PCSK9: variants seen among roughly 807,000 people sequenced by gnomAD.
PCSK9 encodes convertase subtilisin/kexin type 9 preproprotein.
Under a neutral mutation model 62.1 loss-of-function variants are expected in PCSK9, and 57 were observed. The ratio of observed to expected loss-of-function variants is 0.92; its 90% confidence interval spans 0.74 to 1.14. The LOEUF (loss-of-function observed/expected upper bound fraction) is 1.14. PCSK9 is among the 50% of genes most tolerant of loss of function. The pLI, the probability that PCSK9 is intolerant of heterozygous loss-of-function variation, is 0.00. For synonymous variants in PCSK9, 387 were observed against 409.4 expected, an observed-to-expected ratio of 0.95 and a Z score of 0.66; for missense variants, 870 against 959.8, an observed-to-expected ratio of 0.91 and a Z score of 1.24.
chr1:55,060,163 T>C (rs1453782367), intron 10 of PCSK9, among the ~76,000 whole-genome samples: 1 of 152,268 alleles, frequency 6.6e-6, no homozygotes, highest in Admixed American at 6.5e-5. Flanking sequence ...ATCGTTACTA[T>C]TGTTTTCATC....
At chr1:55,041,982 T>C (rs1644600707) in intron 1 of PCSK9, among the ~76,000 whole-genome samples, 1 of 152,172 alleles carries the variant, frequency 6.6e-6, no homozygotes, top group African/African-American at 2.4e-5. Context: ...GTTTCGCTCT[T>C]GTTGCCCAGG....
At chr1:55,041,568 G>C (rs1227732780) in intron 1 of PCSK9, among the ~76,000 whole-genome samples, 1 of 152,164 alleles carries the variant, frequency 6.6e-6, no homozygotes, top group African/African-American at 2.4e-5. Context: ...GCCTCCTCAA[G>C]TTCATTTATT....
At chr1:55,057,593 A>G in intron 7 of PCSK9, 79 bp downstream of exon 7, 2 of 1,491,318 alleles carry the variant, frequency 1.3e-6, no homozygotes, top group African/African-American at 2.8e-5. Flanking sequence ...CGGGACCTCC[A>G]GTGCCAGGCT....
At chr1:55,057,604 C>G in intron 7 of PCSK9, 90 bp downstream of exon 7, 2 of 1,444,408 alleles carry the variant, frequency 1.4e-6, no homozygotes, top group Non-Finnish European at 1.9e-6. Flanking sequence ...GTGCCAGGCT[C>G]TGTGCAGGGG....
intron 1 of PCSK9, among the ~76,000 whole-genome samples, chr1:55,041,405 T>C (rs960707966): frequency 2.6e-5 from 4 of 152,120 alleles, no homozygotes. Flanking sequence ...GTGGCCAGGA[T>C]AAGAAAGGGC....
At chr1:55,056,918 C>G (rs889294098) in intron 6 of PCSK9, among the ~76,000 whole-genome samples, 3 of 86,588 alleles carry the variant, frequency 3.5e-5, no homozygotes, top group African/African-American at 1.1e-4. Context: ...GCGTACCTGA[C>G]AGCGGTAACC....
At chr1:55,057,903 C>T (rs139754947) in intron 7 of PCSK9, 133 bp from the exon 8 acceptor site, 18 of 1,316,718 alleles carry the variant, frequency 1.4e-5, no homozygotes, top group African/African-American at 5.8e-5. Flanking sequence ...GGCTTACCTT[C>T]GAGAAGAGAG....
Position 55,039,997 on chromosome 1 carries a change from G to A in PCSK9, c.160G>A (p.Glu54Lys), listed in dbSNP as rs770080583. ...ALRSEEDGLAEAPEHGTTATF... is the reference protein window; with the variant it reads ...ALRSEEDGLAKAPEHGTTATF... Reference sequence around the variant, plus strand: ...GCGTTCCGAGGAGGACGGCCTGGCCGAAGCACCCGAGCACGGAACCACAGC... The same window carrying A: ...GCGTTCCGAGGAGGACGGCCTGGCCAAAGCACCCGAGCACGGAACCACAGC... The change falls in exon 1 of 12, where the codon GAA becomes AAA. Residue 54 changes from glutamate to lysine, a missense_variant. Coordinates refer to ENST00000302118, the MANE Select transcript of PCSK9 (RefSeq NM_174936.4). 27 of 1,578,278 alleles carry A rather than the reference G, an allele frequency of 1.7e-5. No individual in the cohort carries two copies. The highest frequency in any genetic ancestry group is 2.3e-5 in the Non-Finnish European group (27 of 1,162,816).
chr1:55,039,909 T>G lies in PCSK9; in HGVS notation c.72T>G (p.Gly24=). 1 of 1,565,390 alleles carries G rather than the reference T, an allele frequency of 6.4e-7. No homozygotes were observed. Among genetic ancestry groups the G allele is most frequent in the Non-Finnish European group, 8.7e-7 (1 of 1,155,982 alleles). The change falls in exon 1 of 12, where the codon GGT becomes GGG. Residue 24 remains glycine (G), a synonymous_variant. Coordinates refer to ENST00000302118, the MANE Select transcript of PCSK9 (RefSeq NM_174936.4). ...PLLLLLLLLL[G]PAGARAQEDE... ...TGCTGCTGCTGCTGCTGCTCCTGGGTCCCGCGGGCGCCCGTGCGCAGGAGG... is the reference window on the plus strand; with the variant it reads ...TGCTGCTGCTGCTGCTGCTCCTGGGGCCCGCGGGCGCCCGTGCGCAGGAGG...
intron 5 of PCSK9, among the ~76,000 whole-genome samples, chr1:55,055,436 G>A (rs693668): frequency 0.56 from 85,595 of 151,924 alleles, 25,593 homozygotes; most frequent in East Asian, 0.76. Context: ...CCCTGAGTTC[G>A]TATATTCAGA....
In PCSK9 at chr1:55,039,846, C is replaced by T. The variant is rs1465865735; in HGVS notation, c.9C>T (p.Thr3=). The change falls in exon 1 of 12, where the codon ACC becomes ACT. Residue 3 remains threonine (T), a synonymous_variant. Transcript: ENST00000302118. MG[T]VSSRRSWWPL... ...CCTCTCCCCTGGCCCTCATGGGCAC[C>T]GTCAGCTCCAGGCGGTCCTGGTGGC... 17 of 1,566,054 alleles carry T rather than the reference C, an allele frequency of 1.1e-5. No homozygotes were observed. Among genetic ancestry groups the T allele is most frequent in the Middle Eastern group, 4.2e-4 (2 of 4,770 alleles).
At chr1:55,048,441 A>G (rs1460223460) in intron 3 of PCSK9, among the ~76,000 whole-genome samples, 1 of 152,230 alleles carries the variant, frequency 6.6e-6, no homozygotes, top group Non-Finnish European at 1.5e-5. Context: ...TTGGGCCAGA[A>G]GCAGACGTGG....
intron 5 of PCSK9, among the ~76,000 whole-genome samples, chr1:55,054,102 G>A (rs970712596): frequency 6.6e-6 from 1 of 152,228 alleles, no homozygotes. Flanking sequence ...AGCAGCTGTA[G>A]GCTGGGCGCG....
At chr1:55,052,914 G>A in intron 5 of PCSK9, 123 bp downstream of exon 5, 1 of 1,508,006 alleles carries the variant, frequency 6.6e-7, no homozygotes, top group Non-Finnish European at 9.0e-7. Context: ...CTCTGCCGCA[G>A]AGCCAGAGAA....
chr1:55,057,523 C>T lies in PCSK9; in HGVS notation c.1180+9C>T, dbSNP rs1262246763. 1.9e-6 allele frequency: 3 copies of T among 1,606,516 alleles called. No individual in the cohort carries two copies. In the African/African-American group the frequency reaches 4.0e-5, roughly 21 times the overall value. ...TGCTGCCCACGTGGCTGGTAAGTCACCACCCCACTGCCTCGGCCACCGTGA... is the reference window on the plus strand; with the variant it reads ...TGCTGCCCACGTGGCTGGTAAGTCATCACCCCACTGCCTCGGCCACCGTGA... On this transcript the variant is annotated intron_variant, in intron 7 of 11. Coordinates refer to ENST00000302118, the MANE Select transcript of PCSK9 (RefSeq NM_174936.4).
At chr1:55,058,230 G>A in intron 8 of PCSK9, 21 bp downstream of exon 8, 1 of 1,608,038 alleles carries the variant, frequency 6.2e-7, no homozygotes, top group South Asian at 1.1e-5. Context: ...TGGCAGGGTG[G>A]GCAAGTCCAG....
At chr1:55,062,488 G>C (rs1644767597) in intron 11 of PCSK9, among the ~76,000 whole-genome samples, 1 of 152,196 alleles carries the variant, frequency 6.6e-6, no homozygotes, top group African/African-American at 2.4e-5. Flanking sequence ...TTTTAGTGGA[G>C]GAAGACAGAA....
chr1:55,050,573 G>T (rs1328573671), intron 3 of PCSK9, among the ~76,000 whole-genome samples: 1 of 152,236 alleles, frequency 6.6e-6, no homozygotes, highest in Non-Finnish European at 1.5e-5. Flanking sequence ...AGAAACCAAA[G>T]TGCCCACGGG....
chr1:55,050,815 C>A, intron 3 of PCSK9: 1 of 300,630 alleles, frequency 3.3e-6, no homozygotes, highest in Non-Finnish European at 6.5e-6. Context: ...ATACACACAC[C>A]CAGACAGAGC....
Sources: gnomAD v4.1 joint callset for allele counts (sites outside exome capture counted in the v4.1 genomes callset) on GRCh38, gnomAD v4.1.1 for gene constraint, MANE v1.5 for transcripts, NCBI Gene and HGNC (gene_info 2026-07-23, HGNC 2026-07-21) for gene names.